Variants in ITGAX observed in about 807,000 individuals in gnomAD.
ITGAX encodes the protein integrin subunit alpha X, also known as integrin alpha-X.
In ITGAX, 99 loss-of-function variants were observed where a neutral mutation model predicts 140.2. The ratio of observed to expected loss-of-function variants is 0.71; its 90% confidence interval spans 0.60 to 0.83. ITGAX has a LOEUF of 0.83. ITGAX is among the 40% of genes least tolerant of loss of function. The pLI is 0.00. For synonymous variants in ITGAX, 631 were observed against 600.4 expected (o/e 1.05, Z -0.75); for missense variants, 1,444 against 1,482.0 (o/e 0.97, Z 0.42).
At chr16:31,357,819 G>C in intron 5 of ITGAX, 1 of 395,808 alleles carries the variant, frequency 2.5e-6, no homozygotes, top group Non-Finnish European at 4.5e-6. Context: ...AGCAACGTGT[G>C]TGTGTGTACA....
At chr16:31,362,529 G>A (rs1473994934) in intron 11 of ITGAX, 82 bp from the exon 12 acceptor site, 1 of 1,487,220 alleles carries the variant, frequency 6.7e-7, no homozygotes, top group Admixed American at 2.2e-5. Flanking sequence ...GAGGGGAGAT[G>A]GTGCTGTGCT....
rs59463705 is a variant in ITGAX, at chr16:31,368,149, GT to G, written c.1711-2921del. On this transcript the variant is annotated intron_variant, in intron 14 of 29. Coordinates refer to ENST00000268296, the MANE Select transcript of ITGAX (RefSeq NM_000887.5). ...CTTCTTACAGATGAGGAAAGAAAGT[GT>G]TTTTTTTTTTTTTCAGATGGAATCT... Among the ~76,000 whole-genome samples, 694 of 142,936 alleles carry G rather than the reference GT, an allele frequency of 4.9e-3. 2 individuals are homozygous for G. Among genetic ancestry groups the G allele is most frequent in the Non-Finnish European group, 6.5e-3 (425 of 65,394 alleles). The allele number at this position is 142,936 out of a possible 152,430, so 93.8% of individuals were successfully genotyped here. A position where few individuals can be genotyped will look rare whatever the true frequency, so the allele number is the denominator to read the frequency against.
Position 31,380,316 on chromosome 16 carries a change from C to T in ITGAX, c.3111C>T (p.Phe1037=). The T allele has an allele frequency of 1.2e-6, 2 of 1,614,260 alleles. No individual in the cohort carries two copies. The highest frequency in any genetic ancestry group is 1.7e-6 in the Non-Finnish European group (2 of 1,180,042). ...GGTTCCGCTGTGACGTCCCCTCCTT[C>T]AGCGTCCAGGAGGAGCTGGATTTCA... is the stretch of plus-strand genomic sequence containing the variant. ...CLRFRCDVPS[F]SVQEELDFTL... The change falls in exon 27 of 30, where the codon TTC becomes TTT. Residue 1037 remains phenylalanine, a synonymous_variant. Transcript: ENST00000268296.
chr16:31,356,825 C>T (rs550396989), intron 3 of ITGAX, 97 bp downstream of exon 3: 1 of 974,028 alleles, frequency 1.0e-6, no homozygotes, highest in East Asian at 2.6e-5. Context: ...TCAGCTTCCA[C>T]TGTGTCTGAG....
intron 14 of ITGAX, among the ~76,000 whole-genome samples, chr16:31,366,016 C>T (rs530922155): frequency 3.9e-5 from 6 of 152,306 alleles, no homozygotes; most frequent in Non-Finnish European, 5.9e-5. Flanking sequence ...CAAGGGCCCA[C>T]GTGTTGTCAT....
chr16:31,379,632 A>G lies in ITGAX; in HGVS notation c.2854A>G (p.Met952Val), dbSNP rs773318825. 1.9e-6 allele frequency: 3 copies of G among 1,563,716 alleles called. No homozygotes were observed. Among genetic ancestry groups the G allele is most frequent in the African/African-American group, 1.4e-5 (1 of 74,000 alleles). The change falls in exon 24 of 30, where the codon ATG becomes GTG. Residue 952 changes from methionine to valine, a missense_variant. By Grantham distance (21) the Met-to-Val change is conservative. Coordinates refer to ENST00000268296, the MANE Select transcript of ITGAX (RefSeq NM_000887.5). Reference protein sequence around the residue: ...ESEEKESHVAMHRYQVNNLGQ... With the variant: ...ESEEKESHVAVHRYQVNNLGQ... ...TGAGGAGAAGGAAAGCCATGTGGCC[A>G]TGCACAGATACCAGGCAGGTGGTGG...
chr16:31,363,153 T>C lies in ITGAX; in HGVS notation c.1501-12T>C, dbSNP rs761928996. The stretch of plus-strand genomic sequence containing the variant: ...TGCCCGGGTTGGGCCTGGCACTGCT[T>C]TTTTTCTGCAGTGGAGAAGGTGGTG... On this transcript the variant is annotated splice_polypyrimidine_tract_variant and intron_variant, in intron 13 of 29. Coordinates refer to ENST00000268296, the MANE Select transcript of ITGAX (RefSeq NM_000887.5). The C allele has an allele frequency of 6.2e-7, 1 of 1,608,906 alleles. No individual in the cohort carries two copies. Among genetic ancestry groups the C allele is most frequent in the Non-Finnish European group, 8.5e-7 (1 of 1,177,670 alleles).
rs533369769 is a variant in ITGAX, at chr16:31,365,869, G to A, written c.1710+2495G>A. ...ACCCAGGAATCGGAGGTTGCAGTGA[G>A]CTGAGATTGCGCCACTGCACTCCAG... On this transcript the variant is annotated intron_variant, in intron 14 of 29. Coordinates refer to ENST00000268296, the MANE Select transcript of ITGAX (RefSeq NM_000887.5). Among the ~76,000 whole-genome samples, 133 of 152,376 alleles carry A rather than the reference G, an allele frequency of 8.7e-4. 1 individual carries two copies. The highest frequency in any genetic ancestry group is 5.9e-4 in the Admixed American group (9 of 15,310).
Position 31,380,942 on chromosome 16 carries a change from C to A in ITGAX, c.3322C>A (p.Leu1108Ile), listed in dbSNP as rs560741189. The A allele has an allele frequency of 2.5e-6, 4 of 1,614,160 alleles. No individual in the cohort carries two copies. The highest frequency in any genetic ancestry group is 4.5e-5 in the East Asian group (2 of 44,886). Residue 1108 changes from leucine to isoleucine, a missense_variant, in exon 29 of 30, where the codon CTC becomes ATC. Physicochemically the swap from Leu to Ile is conservative, Grantham distance 5 (BLOSUM62 2). Coordinates refer to ENST00000268296, the MANE Select transcript of ITGAX (RefSeq NM_000887.5). ...GTACAAGGTCCACAACCCCACCCCC[C>A]TCATCGTAGGCAGCTCCATTGGGGG... ...EKYKVHNPTP[L>I]IVGSSIGGLL...
chr16:31,363,899 G>A (rs895404790), intron 14 of ITGAX, among the ~76,000 whole-genome samples: 4 of 152,278 alleles, frequency 2.6e-5, no homozygotes, highest in Admixed American at 6.5e-5. Flanking sequence ...CCTCTAACCC[G>A]GTGTGCAGTC....
intron 14 of ITGAX, among the ~76,000 whole-genome samples, chr16:31,370,877 C>A (rs912640675): frequency 5.3e-5 from 8 of 152,070 alleles, no homozygotes; most frequent in Non-Finnish European, 8.8e-5. Flanking sequence ...ACCAGGACAC[C>A]CTTCCTATCT....
chr16:31,360,184 C>A, intron 7 of ITGAX, 119 bp downstream of exon 7: 1 of 1,514,660 alleles, frequency 6.6e-7, no homozygotes, highest in Non-Finnish European at 8.9e-7. Flanking sequence ...ATACCCTTGC[C>A]AAGCTGGGGC....
chr16:31,355,842 C>A lies in ITGAX; in HGVS notation c.38-51C>A, dbSNP rs1356239007. The A allele has an allele frequency of 3.5e-6, 5 of 1,414,192 alleles. No individual in the cohort carries two copies. In the East Asian group the frequency reaches 6.9e-5, roughly 20 times the overall value. The allele number at this position is 1,414,192 out of a possible 1,614,324, so 87.6% of individuals were successfully genotyped here. A position where few individuals can be genotyped will look rare whatever the true frequency, so the allele number is the denominator to read the frequency against. ...GCTGGGGCCGGGGGTGGAGGGCAGC[C>A]AGGCAGAAGGAAGACCCTTCTCCAA... On this transcript the variant is annotated intron_variant, in intron 1 of 29. Transcript: ENST00000268296.
At chr16:31,357,814 C>T (rs889265161) in intron 5 of ITGAX, 19 of 396,698 alleles carry the variant, frequency 4.8e-5, no homozygotes, top group South Asian at 1.1e-4. Flanking sequence ...GTGTGAGCAA[C>T]GTGTGTGTGT....
At position 31,376,910 on chromosome 16, in the gene ITGAX, G is replaced by A. The variant is rs753094287; in HGVS notation, c.2620G>A (p.Ala874Thr). The A allele has an allele frequency of 2.7e-5, 44 of 1,614,054 alleles. No homozygotes were observed. Among genetic ancestry groups the A allele is most frequent in the Admixed American group, 6.7e-5 (4 of 59,996 alleles). The change falls in exon 21 of 30, where the codon GCC becomes ACC. Residue 874 changes from alanine (A) to threonine (T), a missense_variant. Transcript: ENST00000268296. Reference protein sequence around the residue: ...RINHLIFRGGAQITFLATFDV... With the variant: ...RINHLIFRGGTQITFLATFDV... ...CAACCACCTCATCTTCCGTGGCGGC[G>A]CCCAGGTCAGCCTGGCTTCTGTCCC... is the stretch of plus-strand genomic sequence containing the variant.
chr16:31,358,535 G>A (rs1409722303), intron 5 of ITGAX: 5 of 152,150 alleles, frequency 3.3e-5, no homozygotes, highest in African/African-American at 4.8e-5. Context: ...CCAGGAGTTG[G>A]AGGCTGTAGG....
chr16:31,376,738 T>C (rs1177762640), intron 20 of ITGAX, 61 bp from the exon 21 acceptor site: 1 of 1,496,018 alleles, frequency 6.7e-7, no homozygotes, highest in Admixed American at 1.7e-5. Flanking sequence ...GCAAAAGTAA[T>C]TGGGTTTTTG....
chr16:31,355,254 C>T lies in ITGAX; in HGVS notation c.-1C>T. On this transcript the variant is annotated 5_prime_UTR_variant, in exon 1 of 30. Transcript: ENST00000268296. ...AGAGCTCCACATCTGACCTTCTAGT[C>T]ATGACCAGGACCAGGGCAGCACTCC... is the stretch of plus-strand genomic sequence containing the variant. 2 of 1,613,824 alleles carry T rather than the reference C, an allele frequency of 1.2e-6. No homozygotes were observed. The highest frequency in any genetic ancestry group is 1.3e-5 in the African/African-American group (1 of 75,060).
chr16:31,375,451 A>T (rs1439229299), intron 20 of ITGAX, among the ~76,000 whole-genome samples: 3 of 152,218 alleles, frequency 2.0e-5, no homozygotes, highest in Non-Finnish European at 4.4e-5. Context: ...AGCCTCCAGA[A>T]CCACAAAGCT....
Sources: allele counts gnomAD v4.1 joint callset (sites outside exome capture counted in the v4.1 genomes callset), GRCh38; gene constraint gnomAD v4.1.1; transcripts MANE v1.5; gene names NCBI Gene and HGNC (gene_info 2026-07-23, HGNC 2026-07-21).